The following EDA variants were observed in gnomAD, a reference collection of about 807,000 sequenced individuals.
EDA encodes the protein ectodysplasin-A.
In EDA, 2 loss-of-function variants were observed where a neutral mutation model predicts 23.6. The observed-to-expected ratio is 0.08, with a 90% CI of 0.03 to 0.27. The LOEUF is 0.27. Among genes scored for constraint, EDA ranks in the 10% least tolerant of loss-of-function variants. The pLI, the probability that EDA is intolerant of heterozygous loss-of-function variation, is 1.00. For missense variants in EDA, 229 were observed against 324.2 expected, an observed-to-expected ratio of 0.71 and a Z score of 2.26; for synonymous variants, 131 against 132.0, an observed-to-expected ratio of 0.99 and a Z score of 0.05.
intron 1 of EDA, among the ~76,000 whole-genome samples, chrX:69,651,807 G>T (rs1933115787): frequency 9.0e-6 from 1 of 110,590 alleles, no homozygotes; most frequent in Admixed American, 9.7e-5. Context: ...GAAGAAATGG[G>T]ATATAGAGCA....
At chrX:69,722,000 C>T (rs1446585776) in intron 1 of EDA, among the ~76,000 whole-genome samples, 3 of 111,210 alleles carry the variant, frequency 2.7e-5, no homozygotes, top group Non-Finnish European at 5.7e-5. Context: ...ACATTTGCCT[C>T]TCTCTAGACT....
At chrX:70,015,441 T>TGG in intron 2 of EDA, among the ~76,000 whole-genome samples, 1 of 111,011 alleles carries the variant, frequency 9.0e-6, no homozygotes, top group African/African-American at 3.3e-5. Context: ...GGCATGGTGG[T>TGG]GCATGCCTGT....
At position 69,622,860 on chromosome X, in the gene EDA, C is replaced by T. The variant is rs756276179; in HGVS notation, c.396+6156C>T. Among the ~76,000 whole-genome samples the T allele has an allele frequency of 7.2e-5, 8 of 111,560 alleles. No homozygotes were observed. In the East Asian group the frequency reaches 8.5e-4, roughly 12 times the overall value. ...TTTAGGTCTATACTCCACTTGAAAT[C>T]GATTTTTGTGTATGCTAAGATACAG... On this transcript the variant is annotated intron_variant, in intron 1 of 7. Transcript: ENST00000374552.
intron 2 of EDA, among the ~76,000 whole-genome samples, chrX:70,011,361 C>T (rs1190079100): frequency 9.7e-6 from 1 of 102,859 alleles, no homozygotes; most frequent in African/African-American, 3.6e-5. Flanking sequence ...GACAGGGTCT[C>T]ACTCTGTCAC....
intron 1 of EDA, among the ~76,000 whole-genome samples, chrX:69,660,534 C>T (rs1361857485): frequency 1.9e-5 from 2 of 107,132 alleles, no homozygotes; most frequent in African/African-American, 3.4e-5. Flanking sequence ...ATGTTCCCCA[C>T]CCTGTGTCCA....
At chrX:69,680,092 C>G (rs1288077876) in intron 1 of EDA, among the ~76,000 whole-genome samples, 3 of 109,782 alleles carry the variant, frequency 2.7e-5, no homozygotes, top group African/African-American at 6.7e-5. Flanking sequence ...AGTAGTCATT[C>G]AGGAGCAGGT....
chrX:69,924,567 GAA>G (rs1363215773), intron 1 of EDA, among the ~76,000 whole-genome samples: 1 of 111,663 alleles, frequency 9.0e-6, no homozygotes, highest in Non-Finnish European at 1.9e-5. Context: ...AGTATAGTTT[GAA>G]GTCAGGTAAT....
intron 2 of EDA, among the ~76,000 whole-genome samples, chrX:70,020,484 G>T (rs779244385): frequency 1.8e-5 from 2 of 110,143 alleles, no homozygotes; most frequent in Non-Finnish European, 3.8e-5. Flanking sequence ...GCGTGAACCC[G>T]GGAGGCAGAG....
intron 1 of EDA, among the ~76,000 whole-genome samples, chrX:69,876,783 C>T (rs969888951): frequency 1.6e-4 from 18 of 112,245 alleles, no homozygotes; most frequent in African/African-American, 4.8e-4. Flanking sequence ...TATGCCTTTT[C>T]GTTGCTTAAT....
intron 1 of EDA, among the ~76,000 whole-genome samples, chrX:69,799,596 T>C: frequency 9.2e-6 from 1 of 108,266 alleles, no homozygotes; most frequent in Non-Finnish European, 1.9e-5. Context: ...CCAACAGGTG[T>C]ATGAAAAAAT....
chrX:69,892,848 A>G (rs2017954272), intron 1 of EDA, among the ~76,000 whole-genome samples: 3 of 111,039 alleles, frequency 2.7e-5, no homozygotes, highest in South Asian at 3.9e-4. Context: ...TTTCATTTCC[A>G]TGAATCATTA....
intron 1 of EDA, among the ~76,000 whole-genome samples, chrX:69,697,980 G>C: frequency 8.9e-6 from 1 of 111,870 alleles, no homozygotes; most frequent in Middle Eastern, 4.6e-3. Context: ...GTTGTTGCGG[G>C]AGCATTTCCA....
chrX:69,654,025 G>T (rs1933204666), intron 1 of EDA, among the ~76,000 whole-genome samples: 1 of 111,257 alleles, frequency 9.0e-6, no homozygotes, highest in South Asian at 3.8e-4. Context: ...CCTACAGAAT[G>T]GGAGAAAATT....
rs751435617 is a variant in EDA, at chrX:69,782,157, G to T, written c.396+165453G>T. Among the ~76,000 whole-genome samples the T allele has an allele frequency of 5.5e-5, 6 of 109,310 alleles. No individual in the cohort carries two copies. In the Admixed American group the frequency reaches 5.9e-4, roughly 11 times the overall value. The allele number at this position is 109,310 out of a possible 115,157, so 94.9% of individuals were successfully genotyped here. A position where few individuals can be genotyped will look rare whatever the true frequency, so the allele number is the denominator to read the frequency against. ...CTAACGGAGCCAAATACAAACTGGG[G>T]TGGCTACAGATATGGAAAGCTGGTA... is the stretch of plus-strand genomic sequence containing the variant. On this transcript the variant is annotated intron_variant, in intron 1 of 7. Coordinates refer to ENST00000374552, the MANE Select transcript of EDA (RefSeq NM_001399.5).
At chrX:69,758,313 A>G (rs2014188620) in intron 1 of EDA, among the ~76,000 whole-genome samples, 1 of 111,972 alleles carries the variant, frequency 8.9e-6, no homozygotes, top group Admixed American at 9.5e-5. Flanking sequence ...TGCCCCTGGG[A>G]TGGAGAAATG....
At chrX:69,683,645 C>T (rs192393406) in intron 1 of EDA, among the ~76,000 whole-genome samples, 78 of 111,520 alleles carry the variant, frequency 7.0e-4, no homozygotes, top group African/African-American at 2.0e-3. Flanking sequence ...AGTTCTTAAA[C>T]GGCAGACTGT....
intron 1 of EDA, among the ~76,000 whole-genome samples, chrX:69,788,848 T>C (rs1373885621): frequency 8.8e-6 from 1 of 113,225 alleles, no homozygotes; most frequent in Non-Finnish European, 1.9e-5. Flanking sequence ...CTGCTTTGTT[T>C]ACCTAAGCAA....
chrX:69,687,393 A>G (rs1934581793), intron 1 of EDA, among the ~76,000 whole-genome samples: 1 of 111,142 alleles, frequency 9.0e-6, no homozygotes, highest in Non-Finnish European at 1.9e-5. Context: ...TGTGAAGGAA[A>G]AGAAAGGGAG....
At chrX:69,898,915 C>G (rs1037383719) in intron 1 of EDA, among the ~76,000 whole-genome samples, 3 of 111,980 alleles carry the variant, frequency 2.7e-5, no homozygotes, top group Non-Finnish European at 5.6e-5. Flanking sequence ...CTGATGGAGA[C>G]AGAGTTCTCT....
Sources: gnomAD v4.1 joint callset for allele counts (sites outside exome capture counted in the v4.1 genomes callset) on GRCh38, gnomAD v4.1.1 for gene constraint, MANE v1.5 for transcripts, NCBI Gene and HGNC (gene_info 2026-07-23, HGNC 2026-07-21) for gene names.